ATP8B4: variants seen among roughly 807,000 people sequenced by gnomAD.
ATP8B4 encodes probable phospholipid-transporting ATPase IM.
ATP8B4 carries 133 observed loss-of-function variants against 145.6 expected under a neutral mutation model. That is an observed-to-expected ratio of 0.91 (90% confidence interval 0.79 to 1.05). The LOEUF (loss-of-function observed/expected upper bound fraction) is 1.05, where lower values mean the gene tolerates loss of function less well. ATP8B4 is among the 50% of genes least tolerant of loss of function. The pLI, the probability that ATP8B4 is intolerant of heterozygous loss-of-function variation, is 0.00. For synonymous variants in ATP8B4, 507 were observed against 492.9 expected (o/e 1.03, Z -0.38); for missense variants, 1,458 against 1,425.2 (o/e 1.02, Z -0.37).
intron 1 of ATP8B4, among the ~76,000 whole-genome samples, chr15:50,135,350 C>T (rs1398647790): frequency 3.3e-5 from 5 of 152,104 alleles, no homozygotes; most frequent in Non-Finnish European, 7.4e-5. Context: ...CCATATTGCT[C>T]TCAATCTTTA....
At chr15:50,000,455 G>T (rs1389011184) in intron 8 of ATP8B4, among the ~76,000 whole-genome samples, 2 of 152,072 alleles carry the variant, frequency 1.3e-5, no homozygotes, top group African/African-American at 4.8e-5. Context: ...TAATGATGTT[G>T]AGCATCTTTT....
intron 21 of ATP8B4, among the ~76,000 whole-genome samples, chr15:49,899,548 A>G (rs2037793237): frequency 6.6e-6 from 1 of 152,186 alleles, no homozygotes; most frequent in Admixed American, 6.5e-5. Context: ...TTCCTAGGTG[A>G]AATTGTGAGT....
At chr15:50,017,072 A>ATT (rs924572752) in intron 6 of ATP8B4, among the ~76,000 whole-genome samples, 3 of 152,152 alleles carry the variant, frequency 2.0e-5, no homozygotes, top group Non-Finnish European at 4.4e-5. Context: ...CCTTTCTATC[A>ATT]TTTCAATTTC....
At chr15:50,155,090 A>G (rs1367881251) in intron 1 of ATP8B4, among the ~76,000 whole-genome samples, 1 of 152,294 alleles carries the variant, frequency 6.6e-6, no homozygotes, top group Middle Eastern at 3.4e-3. Context: ...TAACAAAGCT[A>G]GTTATTTTTC....
chr15:49,917,529 C>G (rs746859881), intron 19 of ATP8B4, among the ~76,000 whole-genome samples: 4 of 152,092 alleles, frequency 2.6e-5, no homozygotes, highest in African/African-American at 9.7e-5. Flanking sequence ...TTATAGTTCT[C>G]TCACACACAA....
rs573128263 is a variant in ATP8B4 at position 49,918,639 on chromosome 15, A to G, written c.2035+200T>C. ...AACTTAACTGACTCCAGCTTATACTATGGAAGGCATTTTGTTAGTTTGGTT... is the reference window on the plus strand; with the variant it reads ...AACTTAACTGACTCCAGCTTATACTGTGGAAGGCATTTTGTTAGTTTGGTT... On this transcript the variant is annotated intron_variant, in intron 19 of 27. Coordinates refer to ENST00000284509, the MANE Select transcript of ATP8B4 (RefSeq NM_024837.4). Among the ~76,000 whole-genome samples the G allele has an allele frequency of 5.9e-5, 9 of 152,364 alleles. No homozygotes were observed. In the South Asian group the frequency reaches 1.9e-3, roughly 32 times the overall value.
intron 14 of ATP8B4, among the ~76,000 whole-genome samples, chr15:49,936,693 A>G (rs2041760983): frequency 6.6e-6 from 1 of 151,534 alleles, no homozygotes. Context: ...TTCTCTTCTG[A>G]TATTTCTTTA....
chr15:50,045,842 A>G (rs1422889499), intron 4 of ATP8B4, among the ~76,000 whole-genome samples: 1 of 152,228 alleles, frequency 6.6e-6, no homozygotes, highest in Non-Finnish European at 1.5e-5. Context: ...TGAGAAAGCC[A>G]TTAGAGAAAT....
intron 14 of ATP8B4, among the ~76,000 whole-genome samples, chr15:49,938,254 G>C (rs1467073581): frequency 6.6e-6 from 1 of 152,124 alleles, no homozygotes; most frequent in Non-Finnish European, 1.5e-5. Flanking sequence ...CCAGCTGACA[G>C]TTTCATGGTA....
intron 1 of ATP8B4, among the ~76,000 whole-genome samples, chr15:50,167,895 T>A (rs1267270591): frequency 3.3e-5 from 5 of 152,294 alleles, no homozygotes; most frequent in Non-Finnish European, 5.9e-5. Context: ...AATAAAGGAA[T>A]GGATTCATCT....
chr15:50,094,553 C>T (rs1408447329), intron 2 of ATP8B4, among the ~76,000 whole-genome samples: 1 of 148,928 alleles, frequency 6.7e-6, no homozygotes. Context: ...TGTATATATA[C>T]ACCTATATAC....
intron 1 of ATP8B4, among the ~76,000 whole-genome samples, chr15:50,146,666 C>T (rs1209513050): frequency 6.6e-6 from 1 of 152,160 alleles, no homozygotes; most frequent in Non-Finnish European, 1.5e-5. Context: ...CAGCTAAAGA[C>T]AGGGTCCTTT....
chr15:49,863,214 T>C (rs1033443835), intron 26 of ATP8B4, among the ~76,000 whole-genome samples: 2 of 152,204 alleles, frequency 1.3e-5, no homozygotes, highest in African/African-American at 4.8e-5. Flanking sequence ...CACTTGGTTA[T>C]GAAGTCCTCA....
chr15:50,115,662 C>G (rs2057140623), intron 1 of ATP8B4, among the ~76,000 whole-genome samples: 1 of 151,918 alleles, frequency 6.6e-6, no homozygotes, highest in South Asian at 2.1e-4. Context: ...TGATATGGGG[C>G]TGGCAAGGCA....
At chr15:49,872,665 A>G (rs2033837182) in intron 25 of ATP8B4, among the ~76,000 whole-genome samples, 1 of 152,212 alleles carries the variant, frequency 6.6e-6, no homozygotes, top group Non-Finnish European at 1.5e-5. Flanking sequence ...AAAACATTCT[A>G]CAAAATACCT....
intron 1 of ATP8B4, among the ~76,000 whole-genome samples, chr15:50,133,952 T>G (rs960905615): frequency 6.6e-6 from 1 of 152,096 alleles, no homozygotes; most frequent in Non-Finnish European, 1.5e-5. Context: ...CTGGGCACCA[T>G]AGCAAGACCC....
intron 11 of ATP8B4, among the ~76,000 whole-genome samples, chr15:49,980,522 G>C (rs907013181): frequency 6.6e-6 from 1 of 152,116 alleles, no homozygotes; most frequent in Non-Finnish European, 1.5e-5. Context: ...AGGAATATCT[G>C]AATGTTTTTG....
intron 1 of ATP8B4, 40 bp from the exon 2 acceptor site, chr15:50,107,048 C>A: frequency 7.5e-7 from 1 of 1,334,294 alleles, no homozygotes; most frequent in South Asian, 1.5e-5. Flanking sequence ...CTGAAAAATG[C>A]ACAATAACTA....
chr15:49,861,291 T>C (rs1445152441), intron 27 of ATP8B4, among the ~76,000 whole-genome samples: 2 of 152,096 alleles, frequency 1.3e-5, no homozygotes, highest in Non-Finnish European at 2.9e-5. Context: ...CAGAATGAGC[T>C]TGGAGAACCA....
Sources: allele counts gnomAD v4.1 joint callset (sites outside exome capture counted in the v4.1 genomes callset), GRCh38; gene constraint gnomAD v4.1.1; transcripts MANE v1.5; gene names NCBI Gene and HGNC (gene_info 2026-07-23, HGNC 2026-07-21).